HSDL1: variants seen among roughly 807,000 people sequenced by gnomAD.
HSDL1 encodes the protein inactive hydroxysteroid dehydrogenase-like protein 1.
Under a neutral mutation model 31.5 loss-of-function variants are expected in HSDL1, and 29 were observed. The ratio of observed to expected loss-of-function variants is 0.92; its 90% CI spans 0.69 to 1.26. HSDL1 has a LOEUF of 1.26. Ranked by LOEUF, HSDL1 falls within the 50% of genes most tolerant of loss-of-function variation. The probability of loss-of-function intolerance (pLI) is 0.00; values close to 1 mark genes in which losing one functional copy is unlikely to be tolerated. For synonymous variants in HSDL1, 222 were observed against 155.2 expected, an observed-to-expected ratio of 1.43 and a Z score of -3.20; for missense variants, 503 against 416.6, an observed-to-expected ratio of 1.21 and a Z score of -1.81.
intron 2 of HSDL1, among the ~76,000 whole-genome samples, chr16:84,133,587 G>A (rs1282742670): frequency 3.3e-5 from 5 of 152,166 alleles, no homozygotes. Context: ...AAAATTAGCT[G>A]GGCATGGTGG....
chr16:84,138,243 A>G (rs2086731217), intron 1 of HSDL1, among the ~76,000 whole-genome samples: 1 of 152,366 alleles, frequency 6.6e-6, no homozygotes, highest in Admixed American at 6.5e-5. Flanking sequence ...TGATTCATGT[A>G]CAATCTACCT....
At position 84,130,246 on chromosome 16, in the gene HSDL1, T is replaced by C. The variant is rs1481011677; in HGVS notation, c.406A>G (p.Ile136Val). The change falls in exon 4 of 6, where the codon ATT (isoleucine) becomes GTT (valine). Residue 136 changes from isoleucine to valine, a missense_variant. Ile to Val is a conservative substitution (Grantham distance 29). Transcript: ENST00000219439. ...FSSGREIYLP[I>V]REALKDKDVG... Reference sequence around the variant, plus strand: ...TCTTTGTCCTTCAGGGCTTCTCGAATTGGAAGGTAGATCTCACGACCGCTG... The same window carrying C: ...TCTTTGTCCTTCAGGGCTTCTCGAACTGGAAGGTAGATCTCACGACCGCTG... 1.2e-6 allele frequency: 2 copies of C among 1,614,232 alleles called. No homozygotes were observed. The highest frequency in any genetic ancestry group is 1.1e-5 in the South Asian group (1 of 91,088).
intron 1 of HSDL1, among the ~76,000 whole-genome samples, chr16:84,136,265 T>A (rs966007576): frequency 6.6e-6 from 1 of 152,168 alleles, no homozygotes; most frequent in South Asian, 2.1e-4. Context: ...TGTGAGTGGG[T>A]CAGATGCTTT....
intron 1 of HSDL1, among the ~76,000 whole-genome samples, chr16:84,136,721 T>C (rs1384258077): frequency 1.3e-5 from 2 of 152,346 alleles, no homozygotes; most frequent in Non-Finnish European, 2.9e-5. Flanking sequence ...CCTCACCTCT[T>C]GTCAGGGGAG....
intron 1 of HSDL1, among the ~76,000 whole-genome samples, chr16:84,142,647 T>C (rs932551203): frequency 1.3e-5 from 2 of 152,180 alleles, no homozygotes; most frequent in Admixed American, 1.3e-4. Context: ...GGTTTCACCA[T>C]ATTGGCCAGG....
In HSDL1 at chr16:84,130,115, G is replaced by A. The variant is rs550288393; in HGVS notation, c.537C>T (p.Ala179=). ...CAACATGGACCATCAAACTAGCGGC[G>A]GCAATGTTCACATTTATGATGTCCC... is the stretch of plus-strand genomic sequence containing the variant. The part of the protein sequence containing the change: ...KLWDIINVNI[A]AASLMVHVVL... Residue 179 remains alanine (A), a synonymous_variant, in exon 4 of 6, where the codon GCC becomes GCT. Transcript: ENST00000219439. 39 of 1,614,082 alleles carry A rather than the reference G, an allele frequency of 2.4e-5. No homozygotes were observed. The highest frequency in any genetic ancestry group is 1.2e-4 in the African/African-American group (9 of 75,008).
chr16:84,144,224 T>C (rs2086810554), intron 1 of HSDL1: 1 of 152,030 alleles, frequency 6.6e-6, no homozygotes, highest in Non-Finnish European at 1.5e-5. Flanking sequence ...CGTTTATAGA[T>C]GGGGAAATTG....
In HSDL1 at chr16:84,127,209, CTTTTTTTTTTTTTTT is replaced by C. The variant is rs71148881; in HGVS notation, c.894+2324_894+2338del. Among the ~76,000 whole-genome samples the C allele has an allele frequency of 3.2e-3, 303 of 93,408 alleles. 7 individuals carry two copies. In the East Asian group the frequency reaches 0.082, roughly 25 times the overall value. The allele number at this position is 93,408 out of a possible 152,430, so 61.3% of individuals were successfully genotyped here. On this transcript the variant is annotated intron_variant, in intron 5 of 5. Transcript: ENST00000219439. Reference sequence around the variant, plus strand: ...AACTACTTAAATAAAACTGTTTCTTCTTTTTTTTTTTTTTTTTTTTTTTTTGAGATAAGAGTCTAG... The same window carrying C: ...AACTACTTAAATAAAACTGTTTCTTCTTTTTTTTTTGAGATAAGAGTCTAG...
chr16:84,142,430 C>CT (rs34954052), intron 1 of HSDL1, among the ~76,000 whole-genome samples: 66,056 of 81,512 alleles, frequency 0.81, 28,590 homozygotes, highest in East Asian at 0.9. Context: ...TCTCACACAT[C>CT]TTTTTTTTTT....
intron 1 of HSDL1, among the ~76,000 whole-genome samples, chr16:84,138,339 G>C (rs1015330955): frequency 5.3e-5 from 8 of 152,180 alleles, no homozygotes; most frequent in Admixed American, 2.0e-4. Flanking sequence ...GGGAAGTTTT[G>C]GTCAAAGGGG....
intron 3 of HSDL1, 108 bp from the exon 4 acceptor site, chr16:84,130,539 A>C: frequency 1.1e-6 from 1 of 890,844 alleles, no homozygotes; most frequent in Non-Finnish European, 1.7e-6. Context: ...TTCACACTAG[A>C]AATCAAGTCG....
In HSDL1 at chr16:84,131,475, C is replaced by G. The variant is rs939269137; in HGVS notation, c.-6-148G>C. 2.3e-5 allele frequency: 14 copies of G among 619,706 alleles called. No individual in the cohort carries two copies. In the African/African-American group the frequency reaches 2.4e-4, roughly 10 times the overall value. 38.4% of individuals were successfully genotyped at this position (619,706 alleles called of 1,614,324 possible). ...TAACTTTTCAAATGTACGTGGCTCA[C>G]AGTTTCAGTCTATCTATCTATCTAT... On this transcript the variant is annotated intron_variant, in intron 2 of 5. Transcript: ENST00000219439.
At chr16:84,139,497 G>A (rs935427518) in intron 1 of HSDL1, among the ~76,000 whole-genome samples, 2 of 152,190 alleles carry the variant, frequency 1.3e-5, no homozygotes, top group Non-Finnish European at 2.9e-5. Context: ...CTCCCCTGGA[G>A]CCTCCAGAGG....
intron 5 of HSDL1, among the ~76,000 whole-genome samples, chr16:84,128,464 C>G (rs760918545): frequency 1.3e-5 from 2 of 152,012 alleles, no homozygotes; most frequent in Admixed American, 6.6e-5. Context: ...TTTGTCATGC[C>G]TAAACAATAA....
intron 1 of HSDL1, among the ~76,000 whole-genome samples, chr16:84,141,022 C>G (rs2086763636): frequency 1.3e-5 from 2 of 149,750 alleles, no homozygotes; most frequent in African/African-American, 5.1e-5. Context: ...ACCCGGAAGG[C>G]GGAGCTTGCA....
intron 1 of HSDL1, among the ~76,000 whole-genome samples, chr16:84,139,520 C>A (rs191674784): frequency 3.3e-5 from 5 of 152,334 alleles, no homozygotes; most frequent in Admixed American, 1.3e-4. Flanking sequence ...CACAGCCCTG[C>A]TGACACCTTG....
intron 1 of HSDL1, among the ~76,000 whole-genome samples, chr16:84,140,588 G>A (rs1429217092): frequency 2.0e-5 from 3 of 152,028 alleles, no homozygotes; most frequent in Non-Finnish European, 4.4e-5. Flanking sequence ...ATATACAAAA[G>A]TATGTAAAAC....
At chr16:84,141,063 C>T (rs1317229572) in intron 1 of HSDL1, among the ~76,000 whole-genome samples, 1 of 148,002 alleles carries the variant, frequency 6.8e-6, no homozygotes, top group Non-Finnish European at 1.5e-5. Flanking sequence ...AGCACTCCCG[C>T]CTGGGCGACA....
rs371147870 is a variant in HSDL1 at position 84,129,882 on chromosome 16, G to A, written c.666+104C>T. 4.0e-5 allele frequency: 56 copies of A among 1,394,502 alleles called. No individual in the cohort carries two copies. In the African/African-American group the frequency reaches 6.8e-4, roughly 17 times the overall value. The allele number at this position is 1,394,502 out of a possible 1,614,324, so 86.4% of individuals were successfully genotyped here. A position where few individuals can be genotyped will look rare whatever the true frequency, so the allele number is the denominator to read the frequency against. On this transcript the variant is annotated intron_variant, in intron 4 of 5. Coordinates refer to ENST00000219439, the MANE Select transcript of HSDL1 (RefSeq NM_031463.5). ...CAATTCAGGAAAAAATACAGGATAA[G>A]CATATGTGAGTTGCTGACAAAGAGT...
Sources: gnomAD v4.1 joint callset for allele counts (sites outside exome capture counted in the v4.1 genomes callset) on GRCh38, gnomAD v4.1.1 for gene constraint, MANE v1.5 for transcripts, NCBI Gene and HGNC (gene_info 2026-07-23, HGNC 2026-07-21) for gene names.